The following ERBB4 variants were observed in gnomAD, a reference collection of about 807,000 sequenced individuals.
ERBB4 encodes erb-b2 receptor tyrosine kinase 4, also known as receptor tyrosine-protein kinase erbB-4.
A neutral mutation model predicts 158.0 loss-of-function variants in ERBB4; 42 were observed. The ratio of observed to expected loss-of-function variants is 0.27; its 90% CI spans 0.21 to 0.34. ERBB4 has a LOEUF of 0.34. Ranked by LOEUF, ERBB4 falls within the 10% of genes least tolerant of loss-of-function variation. The pLI is 1.00. For missense variants in ERBB4, 1,333 were observed against 1,624.1 expected (o/e 0.82, Z 3.08); for synonymous variants, 583 against 558.7 (o/e 1.04, Z -0.61).
At chr2:212,160,261 G>T (rs993961812) in intron 1 of ERBB4, among the ~76,000 whole-genome samples, 2 of 151,938 alleles carry the variant, frequency 1.3e-5, no homozygotes, top group African/African-American at 4.8e-5. Flanking sequence ...GCTTGCAGGA[G>T]CCTGTATGAT....
chr2:211,597,244 A>T (rs2068661675), intron 19 of ERBB4, among the ~76,000 whole-genome samples: 1 of 152,190 alleles, frequency 6.6e-6, no homozygotes, highest in Admixed American at 6.5e-5. Context: ...GATTTAGGGG[A>T]TGAGGCATAT....
intron 25 of ERBB4, among the ~76,000 whole-genome samples, chr2:211,412,909 G>A (rs1341167064): frequency 8.9e-5 from 13 of 146,060 alleles, no homozygotes; most frequent in East Asian, 2.0e-4. Flanking sequence ...AGCCGAGATC[G>A]CTCCACTGCA....
chr2:211,621,873 A>G (rs2069618334), intron 18 of ERBB4, among the ~76,000 whole-genome samples: 1 of 152,160 alleles, frequency 6.6e-6, no homozygotes. Flanking sequence ...ACAGGCAGGA[A>G]GCCCTAATAT....
chr2:211,861,008 TTATATATTTA>T (rs1310081196), intron 3 of ERBB4, among the ~76,000 whole-genome samples: 1 of 20,930 alleles, frequency 4.8e-5, no homozygotes, highest in African/African-American at 5.9e-4. Flanking sequence ...TATTATATAT[TTATATATTTA>T]TATATATATA....
Position 211,535,584 on chromosome 2 carries a change from A to AGTGT in ERBB4, c.2487+26315_2487+26318dup, listed in dbSNP as rs772405205. 6.9e-5 allele frequency: 10 copies of AGTGT among 144,666 alleles called. 1 individual carries two copies. Among genetic ancestry groups the AGTGT allele is most frequent in the African/African-American group, 2.6e-4 (9 of 35,288 alleles). The allele number at this position is 144,666 out of a possible 1,614,324, so 9.0% of individuals were successfully genotyped here. A position where few individuals can be genotyped will look rare whatever the true frequency, so the allele number is the denominator to read the frequency against. On this transcript the variant is annotated intron_variant, in intron 20 of 27. Transcript: ENST00000342788. ...ATGAGAAAAAAAAAGAGAGAGAGAG[A>AGTGT]GTGTATGTGTGTGTGTGTGTGTGTG...
chr2:212,434,974 G>A (rs757916721), intron 1 of ERBB4, among the ~76,000 whole-genome samples: 1 of 151,978 alleles, frequency 6.6e-6, no homozygotes, highest in Non-Finnish European at 1.5e-5. Context: ...TCTTTGATCT[G>A]AAGCTGAACT....
chr2:211,761,332 T>C (rs544428671), intron 4 of ERBB4, among the ~76,000 whole-genome samples: 6 of 152,324 alleles, frequency 3.9e-5, no homozygotes, highest in African/African-American at 1.4e-4. Flanking sequence ...GATGGTGATG[T>C]TTTAGAGCTA....
intron 3 of ERBB4, among the ~76,000 whole-genome samples, chr2:211,908,155 G>A (rs2079447695): frequency 6.6e-6 from 1 of 151,810 alleles, no homozygotes; most frequent in African/African-American, 2.4e-5. Flanking sequence ...CAGGACCTAA[G>A]CTCTGAAAGT....
At chr2:211,843,300 A>G (rs2077515303) in intron 3 of ERBB4, among the ~76,000 whole-genome samples, 1 of 152,166 alleles carries the variant, frequency 6.6e-6, no homozygotes, top group Non-Finnish European at 1.5e-5. Flanking sequence ...GGGTGAAGAC[A>G]AATAATGTTC....
At chr2:211,723,042 A>C (rs2074154625) in intron 6 of ERBB4, among the ~76,000 whole-genome samples, 1 of 152,224 alleles carries the variant, frequency 6.6e-6, no homozygotes, top group South Asian at 2.1e-4. Flanking sequence ...TGACTAGCCA[A>C]ATACAAATAC....
At chr2:212,061,580 C>G (rs999962839) in intron 2 of ERBB4, among the ~76,000 whole-genome samples, 2 of 145,358 alleles carry the variant, frequency 1.4e-5, no homozygotes, top group Non-Finnish European at 3.0e-5. Flanking sequence ...TCCATGATAA[C>G]AGTCATTAAA....
intron 19 of ERBB4, among the ~76,000 whole-genome samples, chr2:211,569,505 T>TA (rs1284534029): frequency 6.6e-6 from 1 of 152,176 alleles, no homozygotes; most frequent in East Asian, 1.9e-4. Context: ...GATGCATAAG[T>TA]ATTTTTAAAT....
intron 3 of ERBB4, among the ~76,000 whole-genome samples, chr2:211,852,929 T>C (rs4673639): frequency 0.22 from 33,215 of 151,728 alleles, 3,770 homozygotes; most frequent in South Asian, 0.33. Context: ...ATAATAGATA[T>C]CATCACCTCT....
At chr2:212,080,354 A>G (rs933808569) in intron 2 of ERBB4, among the ~76,000 whole-genome samples, 1 of 150,442 alleles carries the variant, frequency 6.6e-6, no homozygotes, top group African/African-American at 2.4e-5. Flanking sequence ...ATTAAAATTA[A>G]CCCAAATCTA....
chr2:211,401,725 A>G (rs2063047055), intron 25 of ERBB4, among the ~76,000 whole-genome samples: 1 of 152,082 alleles, frequency 6.6e-6, no homozygotes, highest in Non-Finnish European at 1.5e-5. Flanking sequence ...CACCTTGGAA[A>G]GAAAGCAGCC....
chr2:211,392,558 CCACACACACACACA>C lies in ERBB4; in HGVS notation c.3136-4580_3136-4567del, dbSNP rs5838261. Among the ~76,000 whole-genome samples, 952 of 141,010 alleles carry C rather than the reference CCACACACACACACA, an allele frequency of 6.8e-3. 9 individuals carry two copies. The highest frequency in any genetic ancestry group is 0.023 in the African/African-American group (865 of 38,042). 92.5% of individuals were successfully genotyped at this position (141,010 alleles called of 152,430 possible). On this transcript the variant is annotated intron_variant, in intron 25 of 27. Transcript: ENST00000342788. ...ACTTTTTTGAAAAAACTCTCTTACT[CCACACACACACACA>C]CACACACACACACACACACACACAC...
At chr2:211,509,604 C>A (rs1224640677) in intron 20 of ERBB4, among the ~76,000 whole-genome samples, 1 of 151,944 alleles carries the variant, frequency 6.6e-6, no homozygotes, top group Non-Finnish European at 1.5e-5. Context: ...AGTGGGACCA[C>A]AATTAAACTA....
intron 20 of ERBB4, among the ~76,000 whole-genome samples, chr2:211,531,255 G>T (rs908020476): frequency 2.6e-5 from 4 of 152,092 alleles, no homozygotes; most frequent in Admixed American, 2.6e-4. Context: ...ACTGGAGTGG[G>T]CAGAGATTTA....
intron 1 of ERBB4, among the ~76,000 whole-genome samples, chr2:212,389,008 GC>G (rs1180821700): frequency 1.3e-5 from 2 of 152,100 alleles, no homozygotes; most frequent in Admixed American, 6.6e-5. Context: ...TCAATAAGCA[GC>G]TTTTATGTGA....
Sources: allele counts gnomAD v4.1 joint callset (sites outside exome capture counted in the v4.1 genomes callset), GRCh38; gene constraint gnomAD v4.1.1; transcripts MANE v1.5; gene names NCBI Gene and HGNC (gene_info 2026-07-23, HGNC 2026-07-21).